Variants in HDAC9 observed in about 807,000 individuals in gnomAD.
The protein encoded by HDAC9 is histone deacetylase 9.
A neutral mutation model predicts 139.4 loss-of-function variants in HDAC9; 41 were observed. The observed-to-expected ratio is 0.29, with a 90% confidence interval of 0.23 to 0.38. The LOEUF is 0.38. Among genes scored for constraint, HDAC9 ranks in the 10% least tolerant of loss-of-function variants. HDAC9 has a pLI of 1.00. For synonymous variants in HDAC9, 517 were observed against 476.2 expected (o/e 1.09, Z -1.12); for missense variants, 1,147 against 1,297.0 (o/e 0.88, Z 1.78).
intron 2 of HDAC9, among the ~76,000 whole-genome samples, chr7:18,207,559 A>ATTTTTTTTTTTTTTTTTTTTTTTTT (rs1584636090): frequency 1.1e-3 from 40 of 37,344 alleles, no homozygotes; most frequent in Admixed American, 1.3e-3. Flanking sequence ...TTTTTTTTTG[A>ATTTTTTTTTTTTTTTTTTTTTTTTT]TTTGAGCTTT....
chr7:18,687,036 AGTATGCTTTGAGAGTTCAT>A (rs780778987), intron 12 of HDAC9, among the ~76,000 whole-genome samples: 4 of 151,878 alleles, frequency 2.6e-5, no homozygotes, highest in Non-Finnish European at 4.4e-5. Context: ...GAACAGATAC[AGTATGCTTTGAGAGTTCAT>A]ATTTTTATAA....
At chr7:18,245,305 G>A (rs541775509) in intron 2 of HDAC9, among the ~76,000 whole-genome samples, 4 of 152,132 alleles carry the variant, frequency 2.6e-5, no homozygotes, top group Non-Finnish European at 2.9e-5. Flanking sequence ...GCTATCAAAT[G>A]GGTTCATATG....
At chr7:18,379,409 G>T (rs1161657109) in intron 1 of HDAC9, among the ~76,000 whole-genome samples, 3 of 152,178 alleles carry the variant, frequency 2.0e-5, no homozygotes, top group Non-Finnish European at 2.9e-5. Context: ...AAATCTGTTT[G>T]TATTGTGAGC....
rs141336963 is a variant in HDAC9, at chr7:18,925,264, C to T, written c.2804-10545C>T. Among the ~76,000 whole-genome samples the T allele has an allele frequency of 3.1e-3, 465 of 152,254 alleles. 4 individuals are homozygous for T. Among genetic ancestry groups the T allele is most frequent in the African/African-American group, 0.011 (450 of 41,546 alleles). On this transcript the variant is annotated intron_variant, in intron 22 of 25. Transcript: ENST00000686413. ...AGGCACTAAAGTCAACTGACCCAAC[C>T]TCTTATCCCAACTTTGTCATTGATT...
chr7:18,767,066 C>T, intron 15 of HDAC9, 40 bp from the exon 16 acceptor site: 3 of 943,594 alleles, frequency 3.2e-6, no homozygotes, highest in Non-Finnish European at 4.7e-6. Context: ...ATTATATAAC[C>T]TCCATTTATC....
At chr7:18,702,904 A>G (rs1354743186) in intron 12 of HDAC9, among the ~76,000 whole-genome samples, 1 of 152,258 alleles carries the variant, frequency 6.6e-6, no homozygotes, top group Non-Finnish European at 1.5e-5. Context: ...AAAAAGAGTT[A>G]CATCTTTTGA....
intron 12 of HDAC9, among the ~76,000 whole-genome samples, chr7:18,706,346 A>G (rs1783918130): frequency 6.6e-6 from 1 of 151,936 alleles, no homozygotes; most frequent in Non-Finnish European, 1.5e-5. Context: ...TTTTTTCAAT[A>G]CCTACCATGG....
chr7:18,342,112 C>T (rs1294906107), intron 1 of HDAC9, among the ~76,000 whole-genome samples: 2 of 151,844 alleles, frequency 1.3e-5, no homozygotes, highest in Admixed American at 6.6e-5. Context: ...TTTCCTTACA[C>T]ACATGTACAG....
intron 1 of HDAC9, chr7:18,429,346 C>T (rs1436185389): frequency 1.3e-5 from 2 of 152,096 alleles, no homozygotes; most frequent in African/African-American, 4.8e-5. Context: ...TTTTATCTTA[C>T]CCTCCCCACT....
At chr7:18,857,682 T>C (rs1267640385) in intron 21 of HDAC9, among the ~76,000 whole-genome samples, 1 of 152,132 alleles carries the variant, frequency 6.6e-6, no homozygotes, top group African/African-American at 2.4e-5. Flanking sequence ...ATAGGAATCA[T>C]AGGAATCTGT....
At chr7:18,199,631 A>G (rs1790967208) in intron 2 of HDAC9, among the ~76,000 whole-genome samples, 1 of 151,906 alleles carries the variant, frequency 6.6e-6, no homozygotes, top group South Asian at 2.1e-4. Flanking sequence ...CAAGACATAA[A>G]AAAATTAGTT....
chr7:18,208,219 C>G (rs1423581622), intron 2 of HDAC9, among the ~76,000 whole-genome samples: 1 of 152,032 alleles, frequency 6.6e-6, no homozygotes, highest in Non-Finnish European at 1.5e-5. Flanking sequence ...TTATAGTTAC[C>G]CAGATGACCA....
intron 2 of HDAC9, among the ~76,000 whole-genome samples, chr7:18,272,910 A>G (rs1431295416): frequency 9.1e-6 from 1 of 109,808 alleles, no homozygotes; most frequent in South Asian, 3.0e-4. Flanking sequence ...TAACTAGACT[A>G]CTGCTACTAC....
intron 12 of HDAC9, among the ~76,000 whole-genome samples, chr7:18,684,531 G>T (rs954140364): frequency 5.3e-5 from 8 of 151,866 alleles, no homozygotes; most frequent in African/African-American, 1.9e-4. Flanking sequence ...TACACCAACT[G>T]ATAACTTTTA....
At chr7:18,791,258 A>G (rs1792284210) in intron 16 of HDAC9, among the ~76,000 whole-genome samples, 2 of 152,154 alleles carry the variant, frequency 1.3e-5, no homozygotes, top group Admixed American at 6.5e-5. Context: ...GGAATTTTAC[A>G]TGGTTCTTGA....
At chr7:18,948,885 G>A (rs1198304244) in intron 23 of HDAC9, 1 of 240,276 alleles carries the variant, frequency 4.2e-6, no homozygotes, top group Non-Finnish European at 8.4e-6. Flanking sequence ...CTAACAAGCT[G>A]TTTAAACTAT....
chr7:18,554,595 A>G (rs1323482775), intron 2 of HDAC9, among the ~76,000 whole-genome samples: 4 of 152,096 alleles, frequency 2.6e-5, no homozygotes, highest in African/African-American at 9.7e-5. Context: ...TCGGCCTCCC[A>G]AAGTGCTGGG....
intron 2 of HDAC9, among the ~76,000 whole-genome samples, chr7:18,546,744 C>T (rs971129432): frequency 6.6e-6 from 1 of 152,180 alleles, no homozygotes; most frequent in Admixed American, 6.5e-5. Context: ...CCAGCAGGGA[C>T]AGAGTTGGAG....
chr7:18,878,723 T>C (rs565607211), intron 22 of HDAC9, among the ~76,000 whole-genome samples: 1 of 151,676 alleles, frequency 6.6e-6, no homozygotes, highest in African/African-American at 2.4e-5. Flanking sequence ...GGGCAAAGGT[T>C]GGAAGCATTC....
Sources: gnomAD v4.1 joint callset for allele counts (sites outside exome capture counted in the v4.1 genomes callset) on GRCh38, gnomAD v4.1.1 for gene constraint, MANE v1.5 for transcripts, NCBI Gene and HGNC (gene_info 2026-07-23, HGNC 2026-07-21) for gene names.